STK38L: variants seen among roughly 807,000 people sequenced by gnomAD.
The protein encoded by STK38L is serine/threonine kinase 38 like.
Under a neutral mutation model 59.7 loss-of-function variants are expected in STK38L, and 28 were observed. The observed-to-expected ratio is 0.47, with a 90% CI of 0.35 to 0.64. STK38L has a LOEUF of 0.64. STK38L is among the 30% of genes least tolerant of loss of function. The pLI is 0.01. For synonymous variants in STK38L, 162 were observed against 176.8 expected (o/e 0.92, Z 0.66); for missense variants, 314 against 555.8 (o/e 0.56, Z 4.37).
intron 1 of STK38L, among the ~76,000 whole-genome samples, chr12:27,270,598 G>A (rs1943402659): frequency 6.6e-6 from 1 of 151,986 alleles, no homozygotes; most frequent in African/African-American, 2.4e-5. Flanking sequence ...GGCTGGTCTC[G>A]AGCTCCTGAC....
At chr12:27,299,576 C>T (rs35446102) in intron 2 of STK38L, among the ~76,000 whole-genome samples, 23,846 of 151,970 alleles carry the variant, frequency 0.16, 2,075 homozygotes, top group East Asian at 0.31. Context: ...TAATATCTTA[C>T]ACATTAAAAA....
At chr12:27,268,418 T>A (rs1256719976) in intron 1 of STK38L, among the ~76,000 whole-genome samples, 1 of 152,218 alleles carries the variant, frequency 6.6e-6, no homozygotes, top group Non-Finnish European at 1.5e-5. Flanking sequence ...GGTTTCCAGC[T>A]TCATCCATGT....
intron 1 of STK38L, among the ~76,000 whole-genome samples, chr12:27,292,472 TTAAG>T (rs1386413874): frequency 1.3e-5 from 2 of 152,258 alleles, no homozygotes; most frequent in Non-Finnish European, 2.9e-5. Flanking sequence ...AATGTGTTTC[TTAAG>T]TAAGATTTAT....
At chr12:27,271,363 T>C (rs993886096) in intron 1 of STK38L, among the ~76,000 whole-genome samples, 1 of 152,226 alleles carries the variant, frequency 6.6e-6, no homozygotes, top group Admixed American at 6.5e-5. Context: ...TCCAGTACTT[T>C]TAAGGAAGGA....
At chr12:27,247,656 C>A (rs1461731) in intron 1 of STK38L, among the ~76,000 whole-genome samples, 117,397 of 151,994 alleles carry the variant, frequency 0.77, 46,287 homozygotes, top group East Asian at 1. Context: ...GGAATGTTTG[C>A]GTCTTTGTAT....
intron 2 of STK38L, among the ~76,000 whole-genome samples, chr12:27,301,720 A>G (rs1256407812): frequency 6.6e-6 from 1 of 152,232 alleles, no homozygotes; most frequent in East Asian, 1.9e-4. Flanking sequence ...CATTTAGCTA[A>G]TAAGTGTTAG....
intron 1 of STK38L, among the ~76,000 whole-genome samples, chr12:27,279,123 G>A (rs889540812): frequency 2.0e-5 from 3 of 152,026 alleles, no homozygotes; most frequent in East Asian, 1.9e-4. Flanking sequence ...CCTCATTTTC[G>A]GACCATCATA....
intron 5 of STK38L, 44 bp downstream of exon 5, chr12:27,309,241 A>C: frequency 1.4e-6 from 2 of 1,422,518 alleles, no homozygotes. Flanking sequence ...GCATCCACTG[A>C]CGCAGTGTTA....
chr12:27,298,441 CA>C (rs995403209), intron 2 of STK38L: 3 of 148,710 alleles, frequency 2.0e-5, no homozygotes, highest in Non-Finnish European at 4.5e-5. Context: ...GACTTTGTCT[CA>C]AAAAAAAAGA....
chr12:27,305,979 A>T (rs1944301235), intron 3 of STK38L, among the ~76,000 whole-genome samples: 2 of 150,134 alleles, frequency 1.3e-5, no homozygotes. Flanking sequence ...TTTTTCACCA[A>T]TTTTTTTTTT....
At chr12:27,279,670 C>G (rs1005433065) in intron 1 of STK38L, among the ~76,000 whole-genome samples, 1 of 134,760 alleles carries the variant, frequency 7.4e-6, no homozygotes, top group Non-Finnish European at 1.6e-5. Flanking sequence ...GAAGTTTCAG[C>G]GAGCTAAAAA....
In STK38L at chr12:27,321,614, T is replaced by TA. The variant is rs1339430458; in HGVS notation, c.1176-522dup. Among the ~76,000 whole-genome samples the TA allele has an allele frequency of 1.4e-4, 22 of 152,114 alleles. No homozygotes were observed. In the South Asian group the frequency reaches 4.4e-3, roughly 30 times the overall value. ...CTTTTCATTAGCTCATTTTTCCACTTAAAAAAATAGGATGAGAAAGCCTTG... is the reference window on the plus strand; with the variant it reads ...CTTTTCATTAGCTCATTTTTCCACTTAAAAAAAATAGGATGAGAAAGCCTTG... On this transcript the variant is annotated intron_variant, in intron 12 of 13. Coordinates refer to ENST00000389032, the MANE Select transcript of STK38L (RefSeq NM_015000.4).
chr12:27,300,578 C>G, intron 2 of STK38L: 1 of 456,052 alleles, frequency 2.2e-6, no homozygotes, highest in Non-Finnish European at 4.4e-6. Context: ...AATCATTCAA[C>G]AAGCAGCACT....
intron 1 of STK38L, among the ~76,000 whole-genome samples, chr12:27,257,587 C>G (rs1418100451): frequency 6.6e-6 from 1 of 152,184 alleles, no homozygotes; most frequent in African/African-American, 2.4e-5. Context: ...ACAGTGATGG[C>G]TAAATTCCAT....
At position 27,325,511 on chromosome 12, in the gene STK38L, C is replaced by T. The variant is rs1017221857; in HGVS notation, c.*3056C>T. 6.6e-6 allele frequency: 1 copy of T among 152,062 alleles called. No individual in the cohort carries two copies. The highest frequency in any genetic ancestry group is 2.4e-5 in the African/African-American group (1 of 41,416). The allele number at this position is 152,062 out of a possible 1,614,324, so 9.4% of individuals were successfully genotyped here. ...AAATAAATGAATTGAGAATTTAGTCCATAGAGGTCCCTGGCTACCAAACAC... is the reference window on the plus strand; with the variant it reads ...AAATAAATGAATTGAGAATTTAGTCTATAGAGGTCCCTGGCTACCAAACAC... On this transcript the variant is annotated 3_prime_UTR_variant, in exon 14 of 14. Coordinates refer to ENST00000389032, the MANE Select transcript of STK38L (RefSeq NM_015000.4).
At chr12:27,280,396 TAAATG>T (rs1003500824) in intron 1 of STK38L, among the ~76,000 whole-genome samples, 11 of 152,172 alleles carry the variant, frequency 7.2e-5, no homozygotes, top group Admixed American at 5.2e-4. Context: ...GAATAAAAAA[TAAATG>T]AATTAGGTTT....
chr12:27,307,124 G>A (rs1944336822), intron 3 of STK38L, among the ~76,000 whole-genome samples: 1 of 151,750 alleles, frequency 6.6e-6, no homozygotes, highest in Admixed American at 6.6e-5. Flanking sequence ...TATCAGATGT[G>A]GAAAAAGACA....
intron 6 of STK38L, 28 bp from the exon 7 acceptor site, chr12:27,314,476 A>G (rs772618401): frequency 2.1e-6 from 3 of 1,460,502 alleles, no homozygotes; most frequent in Non-Finnish European, 2.7e-6. Context: ...ATTTTCAATA[A>G]TAATATATTT....
chr12:27,313,371 GTTTT>G (rs1944505761), intron 6 of STK38L, among the ~76,000 whole-genome samples: 1 of 131,686 alleles, frequency 7.6e-6, no homozygotes, highest in Non-Finnish European at 1.8e-5. Flanking sequence ...TCTGGGTTTT[GTTTT>G]GTTTTGTTTT....
Sources: allele counts gnomAD v4.1 joint callset (sites outside exome capture counted in the v4.1 genomes callset), GRCh38; gene constraint gnomAD v4.1.1; transcripts MANE v1.5; gene names NCBI Gene and HGNC (gene_info 2026-07-23, HGNC 2026-07-21).